Variants in PPFIA1 observed in about 807,000 individuals in gnomAD.
PPFIA1 encodes liprin-alpha-1.
PPFIA1 carries 25 observed loss-of-function variants against 149.9 expected under a neutral mutation model. The observed-to-expected ratio is 0.17, with a 90% CI of 0.12 to 0.23. PPFIA1 has a LOEUF of 0.23. Ranked by LOEUF, PPFIA1 falls within the 10% of genes least tolerant of loss-of-function variation. The probability of loss-of-function intolerance (pLI) is 1.00; values close to 1 mark genes in which losing one functional copy is unlikely to be tolerated. For missense variants in PPFIA1, 1,362 were observed against 1,506.5 expected (o/e 0.90, Z 1.59); for synonymous variants, 549 against 552.8 (o/e 0.99, Z 0.10).
rs1476567227 is a variant in PPFIA1 at position 70,325,481 on chromosome 11, C to T, written c.532-19C>T. 6.5e-7 allele frequency: 1 copy of T among 1,537,634 alleles called. No homozygotes were observed. The highest frequency in any genetic ancestry group is 9.0e-7 in the Non-Finnish European group (1 of 1,111,274). On this transcript the variant is annotated intron_variant, in intron 4 of 27. Transcript: ENST00000253925. ...CAGTATACACACACACACACAAACT[C>T]AACCCCTTTTATTTTCAGGTGAGAG...
chr11:70,342,653 T>C (rs944177486), intron 14 of PPFIA1, among the ~76,000 whole-genome samples: 2 of 152,174 alleles, frequency 1.3e-5, no homozygotes, highest in Non-Finnish European at 2.9e-5. Context: ...AGAGGGAACT[T>C]GAAAACACTT....
chr11:70,383,189 G>C lies in PPFIA1; in HGVS notation c.*199G>C. 1 of 328,518 alleles carries C rather than the reference G, an allele frequency of 3.0e-6. No individual in the cohort carries two copies. Among genetic ancestry groups the C allele is most frequent in the East Asian group, 1.3e-4 (1 of 7,432 alleles). The allele number at this position is 328,518 out of a possible 1,614,324, so 20.4% of individuals were successfully genotyped here. ...TAGAGAAAATATTTTAGAATTTAAT[G>C]TTTCTTATATTTATGTAAACTTATG... On this transcript the variant is annotated 3_prime_UTR_variant, in exon 28 of 28. Coordinates refer to ENST00000253925, the MANE Select transcript of PPFIA1 (RefSeq NM_003626.5).
chr11:70,360,614 C>G (rs991775000), intron 19 of PPFIA1, among the ~76,000 whole-genome samples: 1 of 152,250 alleles, frequency 6.6e-6, no homozygotes, highest in East Asian at 1.9e-4. Context: ...GCATTTGTCC[C>G]AAGGGAACGG....
chr11:70,343,335 T>C (rs1026895677), intron 14 of PPFIA1, among the ~76,000 whole-genome samples: 1 of 152,206 alleles, frequency 6.6e-6, no homozygotes, highest in Non-Finnish European at 1.5e-5. Flanking sequence ...TTGCAGCCAT[T>C]GATCAGCCTC....
At chr11:70,301,221 A>G (rs1012680372) in intron 2 of PPFIA1, among the ~76,000 whole-genome samples, 5 of 152,210 alleles carry the variant, frequency 3.3e-5, no homozygotes, top group Admixed American at 6.5e-5. Context: ...GAGAACTAAC[A>G]TAAAGTATCT....
At chr11:70,299,523 G>A (rs763185881) in intron 2 of PPFIA1, among the ~76,000 whole-genome samples, 2 of 152,052 alleles carry the variant, frequency 1.3e-5, no homozygotes, top group Admixed American at 6.6e-5. Context: ...CCCTCTCCTC[G>A]GCCCCTCCAG....
chr11:70,359,458 T>TG (rs2056524816), intron 19 of PPFIA1, among the ~76,000 whole-genome samples: 1 of 152,142 alleles, frequency 6.6e-6, no homozygotes, highest in Non-Finnish European at 1.5e-5. Context: ...GAACTGTACT[T>TG]GTGGTGGTGG....
intron 2 of PPFIA1, among the ~76,000 whole-genome samples, chr11:70,274,321 T>C (rs1409792045): frequency 1.3e-5 from 2 of 152,136 alleles, no homozygotes; most frequent in African/African-American, 2.4e-5. Flanking sequence ...AAATCGTAAG[T>C]ATACATCTCA....
chr11:70,328,924 G>A (rs1459597350), intron 7 of PPFIA1, among the ~76,000 whole-genome samples: 1 of 152,156 alleles, frequency 6.6e-6, no homozygotes, highest in Non-Finnish European at 1.5e-5. Flanking sequence ...GAATTCTGGG[G>A]GTGGAGGACA....
Position 70,348,409 on chromosome 11 carries a change from G to A in PPFIA1, c.2152G>A (p.Val718Ile), listed in dbSNP as rs751262599. Residue 718 changes from valine to isoleucine, a missense_variant, in exon 16 of 28, where the codon GTC becomes ATC. By Grantham distance (29) the Val-to-Ile change is conservative. Coordinates refer to ENST00000253925, the MANE Select transcript of PPFIA1 (RefSeq NM_003626.5). Reference sequence around the variant, plus strand: ...AGCTCGGGAAGTGGACAGACTGGGCGTCATGACCCTTGTACGTATCCGCCC... The same window carrying A: ...AGCTCGGGAAGTGGACAGACTGGGCATCATGACCCTTGTACGTATCCGCCC... ...SPAREVDRLG[V>I]MTLLPPSREE... 1.3e-5 allele frequency: 21 copies of A among 1,608,450 alleles called. 1 individual carries two copies. Among genetic ancestry groups the A allele is most frequent in the South Asian group, 9.9e-5 (9 of 90,968 alleles).
intron 15 of PPFIA1, chr11:70,345,923 C>G (rs1411925593): frequency 4.7e-6 from 2 of 429,606 alleles, no homozygotes; most frequent in South Asian, 3.3e-5. Context: ...GTACAGAACA[C>G]TGGAGCTCTT....
intron 2 of PPFIA1, among the ~76,000 whole-genome samples, chr11:70,277,056 A>ATTT (rs1256611836): frequency 2.8e-4 from 9 of 31,592 alleles, no homozygotes; most frequent in Non-Finnish European, 4.7e-4. Context: ...ATATATATAT[A>ATTT]TATATTTTTT....
chr11:70,325,658 G>A (rs539409312), intron 5 of PPFIA1, 84 bp downstream of exon 5: 19 of 1,115,654 alleles, frequency 1.7e-5, no homozygotes, highest in South Asian at 1.7e-4. Context: ...AAGGCCAGAC[G>A]TGGTGGCTCA....
At chr11:70,338,732 C>T (rs1471210757) in intron 13 of PPFIA1, among the ~76,000 whole-genome samples, 2 of 152,216 alleles carry the variant, frequency 1.3e-5, no homozygotes, top group Non-Finnish European at 1.5e-5. Context: ...GATGTAAGAG[C>T]AGAATGACAG....
chr11:70,343,935 C>T (rs773200287), intron 15 of PPFIA1, 43 bp downstream of exon 15: 5 of 1,527,346 alleles, frequency 3.3e-6, no homozygotes, highest in Non-Finnish European at 4.5e-6. Flanking sequence ...GCATGGGTGT[C>T]TCTGAGGAAT....
Position 70,375,649 on chromosome 11 carries a change from G to A in PPFIA1, c.3315+556G>A, listed in dbSNP as rs936079046. On this transcript the variant is annotated intron_variant, in intron 24 of 27. Transcript: ENST00000253925. ...CAAAAAAATACAAAAAAATTAGCCA[G>A]GTGTGGTGGCACATGCCTGTAGTCC... The A allele has an allele frequency of 2.0e-5, 3 of 152,242 alleles. No individual in the cohort carries two copies. The South Asian group carries it at 6.2e-4, about 32-fold the overall frequency. 9.4% of individuals were successfully genotyped at this position (152,242 alleles called of 1,614,324 possible).
Position 70,339,220 on chromosome 11 carries a change from G to T in PPFIA1, c.1621G>T (p.Gly541Cys), listed in dbSNP as rs749263889. ...VPDFRFPMADGHTDSYSTSAV... is the reference protein window; with the variant it reads ...VPDFRFPMADCHTDSYSTSAV... ...AGATTTCAGGTTCCCCATGGCAGAC[G>T]GCCACACAGACTCCTACAGCACCAG... The change falls in exon 14 of 28, where the codon GGC becomes TGC. Residue 541 changes from glycine to cysteine, a missense_variant. Physicochemically the swap from Gly to Cys is radical, Grantham distance 159 (BLOSUM62 -3). Around this residue, in one of 7 missense-constraint regions of PPFIA1, gnomAD observed 733 missense variants for 744.1 expected, o/e 0.99. Transcript: ENST00000253925. 1.2e-6 allele frequency: 2 copies of T among 1,614,108 alleles called. No homozygotes were observed. Among genetic ancestry groups the T allele is most frequent in the East Asian group, 2.2e-5 (1 of 44,886 alleles).
rs71463672 is a variant in PPFIA1, at chr11:70,342,936, CTTTTTTTT to C, written c.1708-711_1708-704del. ...TTGCAGCTATTTTGAAATGTACCAC[CTTTTTTTT>C]TTTTTTTTTTTTTTTTTTTTTGAGG... On this transcript the variant is annotated intron_variant, in intron 14 of 27. Coordinates refer to ENST00000253925, the MANE Select transcript of PPFIA1 (RefSeq NM_003626.5). Among the ~76,000 whole-genome samples, 374 of 78,144 alleles carry C rather than the reference CTTTTTTTT, an allele frequency of 4.8e-3. 1 individual carries two copies. Among genetic ancestry groups the C allele is most frequent in the African/African-American group, 0.021 (340 of 16,192 alleles). The allele number at this position is 78,144 out of a possible 152,430, so 51.3% of individuals were successfully genotyped here.
chr11:70,376,503 TTTTA>T (rs2057497148), intron 24 of PPFIA1, 25 bp from the exon 25 acceptor site: 1 of 1,590,130 alleles, frequency 6.3e-7, no homozygotes, highest in Non-Finnish European at 8.6e-7. Context: ...TTGATGAAAG[TTTTA>T]TTTGTTTTTC....
Sources: gnomAD v4.1 joint callset for allele counts (sites outside exome capture counted in the v4.1 genomes callset) on GRCh38, gnomAD v4.1.1 for gene constraint, gnomAD v4.1.1 regional missense constraint, MANE v1.5 for transcripts, NCBI Gene and HGNC (gene_info 2026-07-23, HGNC 2026-07-21) for gene names.